Variants in MYCT1 observed in about 807,000 individuals in gnomAD.
The protein encoded by MYCT1 is myc target protein 1.
Under a neutral mutation model 15.0 loss-of-function variants are expected in MYCT1, and 12 were observed. That is an observed-to-expected ratio of 0.80 (90% CI 0.51 to 1.29). The LOEUF is 1.29. Among genes scored for constraint, MYCT1 ranks in the 50% most tolerant of loss-of-function variants. The pLI is 0.00. For missense variants in MYCT1, 287 were observed against 279.1 expected, an observed-to-expected ratio of 1.03 and a Z score of -0.20; for synonymous variants, 104 against 102.7, an observed-to-expected ratio of 1.01 and a Z score of -0.07.
At chr6:152,729,434 C>A (rs1344608341), downstream of MYCT1, among the ~76,000 whole-genome samples, 4 of 151,998 alleles carry the variant, frequency 2.6e-5, no homozygotes, top group Non-Finnish European at 4.4e-5. Flanking sequence ...AAAACATAAA[C>A]ACCTAAGTCT....
intron 1 of MYCT1, among the ~76,000 whole-genome samples, chr6:152,706,538 A>G (rs925525684): frequency 2.0e-5 from 3 of 152,162 alleles, no homozygotes; most frequent in Admixed American, 2.0e-4. Context: ...TCGTGTACAA[A>G]GTAGACAAAT....
chr6:152,705,345 C>T (rs969854874), intron 1 of MYCT1, among the ~76,000 whole-genome samples: 4 of 152,076 alleles, frequency 2.6e-5, no homozygotes, highest in African/African-American at 9.7e-5. Flanking sequence ...AAGTGAAAAG[C>T]GAAATGGTCA....
At chr6:152,729,714 T>C in the MYCT1 span, among the ~76,000 whole-genome samples, 46 of 152,300 alleles carry the variant, frequency 3.0e-4, 1 homozygote, top group African/African-American at 1.1e-3. Context: ...ATCCAGTTGG[T>C]GTGCTGAATA....
chr6:152,712,973 T>G (rs1276740642), intron 1 of MYCT1, among the ~76,000 whole-genome samples: 1 of 152,072 alleles, frequency 6.6e-6, no homozygotes, highest in Non-Finnish European at 1.5e-5. Flanking sequence ...AATTTCAGCC[T>G]CATTTATTCA....
chr6:152,708,138 T>A (rs1237743139), intron 1 of MYCT1, among the ~76,000 whole-genome samples: 1 of 151,924 alleles, frequency 6.6e-6, no homozygotes, highest in Non-Finnish European at 1.5e-5. Context: ...ATCTCTCCAC[T>A]TTTTAGACCT....
intron 1 of MYCT1, among the ~76,000 whole-genome samples, chr6:152,702,964 C>G (rs1583963737): frequency 6.6e-6 from 1 of 152,178 alleles, no homozygotes; most frequent in East Asian, 1.9e-4. Context: ...ACCCATAAGA[C>G]TGGACTTTTT....
intron 1 of MYCT1, among the ~76,000 whole-genome samples, chr6:152,698,795 T>C (rs1340182955): frequency 6.6e-6 from 1 of 152,242 alleles, no homozygotes; most frequent in Non-Finnish European, 1.5e-5. Context: ...GAAAGAACAA[T>C]ACAAAAGTAT....
At chr6:152,701,323 C>T (rs908887405) in intron 1 of MYCT1, among the ~76,000 whole-genome samples, 1 of 152,118 alleles carries the variant, frequency 6.6e-6, no homozygotes, top group Admixed American at 6.5e-5. Flanking sequence ...AAAAATGTCA[C>T]CAGCAAATAT....
At position 152,723,467 on chromosome 6, in the gene MYCT1, A is replaced by G. The variant is rs1390695674; in HGVS notation, c.*1214A>G. ...TCTTCTTTTGTAACTTTGCAGACAAATAAGTATGAGTCACTGGGGAGAGAG... is the reference window on the plus strand; with the variant it reads ...TCTTCTTTTGTAACTTTGCAGACAAGTAAGTATGAGTCACTGGGGAGAGAG... On this transcript the variant is annotated 3_prime_UTR_variant, in exon 2 of 2. Transcript: ENST00000367245. The G allele has an allele frequency of 6.6e-6, 1 of 152,230 alleles. No individual in the cohort carries two copies. Among genetic ancestry groups the G allele is most frequent in the Non-Finnish European group, 1.5e-5 (1 of 68,052 alleles). The allele number at this position is 152,230 out of a possible 1,614,324, so 9.4% of individuals were successfully genotyped here.
the MYCT1 span, among the ~76,000 whole-genome samples, chr6:152,742,704 T>C: frequency 9.2e-5 from 14 of 152,172 alleles, no homozygotes; most frequent in Admixed American, 6.5e-5. Context: ...ATCCTCAGTT[T>C]TGTCATCCAA....
the MYCT1 span, among the ~76,000 whole-genome samples, chr6:152,743,609 C>A: frequency 6.6e-6 from 1 of 152,154 alleles, no homozygotes; most frequent in African/African-American, 2.4e-5. Flanking sequence ...CAACCATGCC[C>A]CACTCCCCAC....
the MYCT1 span, among the ~76,000 whole-genome samples, chr6:152,734,570 C>T: frequency 2.6e-4 from 40 of 152,290 alleles, no homozygotes; most frequent in African/African-American, 8.9e-4. Flanking sequence ...TGTCCTTTCT[C>T]TTTCCCTATG....
the MYCT1 span, among the ~76,000 whole-genome samples, chr6:152,744,136 A>G: frequency 7.5e-6 from 1 of 132,844 alleles, no homozygotes; most frequent in Admixed American, 7.6e-5. Context: ...TGTGTCAGCA[A>G]TGGATCCAGC....
At chr6:152,714,261 T>G (rs1219359013) in intron 1 of MYCT1, among the ~76,000 whole-genome samples, 3 of 151,236 alleles carry the variant, frequency 2.0e-5, no homozygotes, top group Non-Finnish European at 3.0e-5. Context: ...TTATTAGATT[T>G]TTTTCATATC....
downstream of MYCT1, among the ~76,000 whole-genome samples, chr6:152,728,060 A>T (rs1341680774): frequency 1.3e-5 from 2 of 151,900 alleles, no homozygotes; most frequent in East Asian, 1.9e-4. Flanking sequence ...GCTACTTGGG[A>T]GGCTGAGGCA....
intron 1 of MYCT1, among the ~76,000 whole-genome samples, chr6:152,701,540 G>A (rs185980428): frequency 3.3e-5 from 5 of 152,252 alleles, no homozygotes; most frequent in Admixed American, 3.3e-4. Flanking sequence ...TCCTCCCTCT[G>A]GGAATTTTCT....
At chr6:152,703,951 TTTTATTTTATTTTATTTTATTTTA>T (rs2099721770) in intron 1 of MYCT1, among the ~76,000 whole-genome samples, 1 of 20,868 alleles carries the variant, frequency 4.8e-5, no homozygotes, top group Non-Finnish European at 1.1e-4. Context: ...TTTTATTTTA[TTTTATTTTATTTTATTTTATTTTA>T]TTTTATTTTA....
At chr6:152,730,455 C>T in the MYCT1 span, among the ~76,000 whole-genome samples, 437 of 152,364 alleles carry the variant, frequency 2.9e-3, no homozygotes, top group Non-Finnish European at 5.6e-3. Context: ...GCGTGCCATC[C>T]ATTATCAAGT....
Position 152,722,345 on chromosome 6 carries a change from C to A in MYCT1, c.*92C>A, listed in dbSNP as rs2099724868. 1.5e-6 allele frequency: 2 copies of A among 1,291,388 alleles called. No homozygotes were observed. Among genetic ancestry groups the A allele is most frequent in the Non-Finnish European group, 2.1e-6 (2 of 947,946 alleles). The allele number at this position is 1,291,388 out of a possible 1,614,324, so 80.0% of individuals were successfully genotyped here. ...GCTAAACAGAATTTTGAGGGCATGG[C>A]CCAAATAACTCATGAGTTCCAAGTT... On this transcript the variant is annotated 3_prime_UTR_variant, in exon 2 of 2. Transcript: ENST00000367245.
Sources: gnomAD v4.1 joint callset for allele counts (sites outside exome capture counted in the v4.1 genomes callset) on GRCh38, gnomAD v4.1.1 for gene constraint, MANE v1.5 for transcripts, NCBI Gene and HGNC (gene_info 2026-07-23, HGNC 2026-07-21) for gene names.